The following KCNAB1 variants were observed in gnomAD, a reference collection of about 807,000 sequenced individuals.
KCNAB1 encodes the protein potassium voltage-gated channel subfamily A regulatory beta subunit 1, also known as voltage-gated potassium channel subunit beta-1.
Under a neutral mutation model 64.6 loss-of-function variants are expected in KCNAB1, and 35 were observed. That is an observed-to-expected ratio of 0.54 (90% confidence interval 0.41 to 0.72). The LOEUF (loss-of-function observed/expected upper bound fraction) is 0.72, where lower values mean the gene tolerates loss of function less well. Among genes scored for constraint, KCNAB1 ranks in the 30% least tolerant of loss-of-function variants. The pLI is 0.00. For missense variants in KCNAB1, 401 were observed against 512.9 expected (o/e 0.78, Z 2.11); for synonymous variants, 177 against 183.8 (o/e 0.96, Z 0.30).
chr3:156,228,520 C>T (rs1208731444), intron 1 of KCNAB1, among the ~76,000 whole-genome samples: 2 of 152,208 alleles, frequency 1.3e-5, no homozygotes, highest in African/African-American at 4.8e-5. Flanking sequence ...TCTTCCTTCT[C>T]ACTAGCCTGC....
chr3:156,150,041 G>T (rs1715308705), intron 1 of KCNAB1, among the ~76,000 whole-genome samples: 1 of 152,112 alleles, frequency 6.6e-6, no homozygotes, highest in African/African-American at 2.4e-5. Flanking sequence ...ACCTAATTTG[G>T]TAAGTCTCTG....
At chr3:156,466,584 G>A (rs1354098984) in intron 7 of KCNAB1, among the ~76,000 whole-genome samples, 1 of 151,732 alleles carries the variant, frequency 6.6e-6, no homozygotes, top group African/African-American at 2.4e-5. Context: ...GAATTGTATA[G>A]TAGTGACCTC....
intron 7 of KCNAB1, among the ~76,000 whole-genome samples, chr3:156,472,832 G>A (rs1279706681): frequency 6.6e-6 from 1 of 152,072 alleles, no homozygotes; most frequent in African/African-American, 2.4e-5. Flanking sequence ...AGCCTGGCAC[G>A]GTCTCAGGAT....
chr3:156,250,027 C>T (rs548646807), intron 1 of KCNAB1, among the ~76,000 whole-genome samples: 38 of 152,244 alleles, frequency 2.5e-4, no homozygotes, highest in Non-Finnish European at 4.9e-4. Context: ...TAGAGACTTC[C>T]TATTATATAT....
intron 1 of KCNAB1, among the ~76,000 whole-genome samples, chr3:156,272,050 C>T (rs1269960284): frequency 1.3e-5 from 2 of 152,254 alleles, no homozygotes; most frequent in African/African-American, 4.8e-5. Context: ...TACTTTCTCC[C>T]ATACAGAGTC....
chr3:156,485,942 A>T (rs1373940892), intron 8 of KCNAB1, among the ~76,000 whole-genome samples: 1 of 152,032 alleles, frequency 6.6e-6, no homozygotes, highest in African/African-American at 2.4e-5. Flanking sequence ...CTGTCTGCAT[A>T]CTATTCCATA....
intron 1 of KCNAB1, among the ~76,000 whole-genome samples, chr3:156,318,763 A>G (rs2108020877): frequency 6.6e-6 from 1 of 152,330 alleles, no homozygotes; most frequent in East Asian, 1.9e-4. Flanking sequence ...GTAGGAGCCC[A>G]CTTCTGGGAG....
chr3:156,416,091 G>T (rs569655007), intron 1 of KCNAB1, among the ~76,000 whole-genome samples: 2 of 152,088 alleles, frequency 1.3e-5, no homozygotes, highest in South Asian at 4.2e-4. Context: ...TTACCTACTG[G>T]GGATATCTGG....
chr3:156,425,343 T>A (rs916985601), intron 2 of KCNAB1, among the ~76,000 whole-genome samples: 2 of 152,178 alleles, frequency 1.3e-5, no homozygotes, highest in Non-Finnish European at 2.9e-5. Context: ...TTTGGTGAAC[T>A]AAGAGCAAAT....
chr3:156,223,503 T>TA (rs1437503647), intron 1 of KCNAB1, among the ~76,000 whole-genome samples: 1 of 152,106 alleles, frequency 6.6e-6, no homozygotes, highest in African/African-American at 2.4e-5. Context: ...AAGTCCCCAC[T>TA]AGATTAGCTA....
chr3:156,200,553 C>A (rs1004031172), intron 1 of KCNAB1, among the ~76,000 whole-genome samples: 3 of 152,224 alleles, frequency 2.0e-5, no homozygotes, highest in Admixed American at 6.5e-5. Flanking sequence ...AGCCTGGCTA[C>A]AGCCACTTTA....
At chr3:156,384,749 TTC>T (rs1241498705) in intron 1 of KCNAB1, among the ~76,000 whole-genome samples, 1 of 152,214 alleles carries the variant, frequency 6.6e-6, no homozygotes, top group Non-Finnish European at 1.5e-5. Context: ...CTTGTACTAT[TTC>T]TTCTTTTAGA....
chr3:156,293,426 G>T (rs145380845), intron 1 of KCNAB1, among the ~76,000 whole-genome samples: 36 of 152,320 alleles, frequency 2.4e-4, no homozygotes, highest in African/African-American at 7.9e-4. Flanking sequence ...TAGGCAACAT[G>T]TGTTTCTCAT....
chr3:156,123,889 GA>G (rs1486486227), intron 1 of KCNAB1, among the ~76,000 whole-genome samples: 1 of 152,096 alleles, frequency 6.6e-6, no homozygotes, highest in African/African-American at 2.4e-5. Flanking sequence ...AGAAAAGTTT[GA>G]AAACAGGAAA....
intron 1 of KCNAB1, among the ~76,000 whole-genome samples, chr3:156,149,148 C>T (rs1715237134): frequency 6.6e-6 from 1 of 152,062 alleles, no homozygotes; most frequent in South Asian, 2.1e-4. Context: ...GAAGATCTCC[C>T]TAGACTGGAG....
rs2108450427 is a variant in KCNAB1 at position 156,242,391 on chromosome 3, T to G, written c.275+121505T>G. ...TTTGTGAGACTTTGGGGTACCTGTC[T>G]CTCCAGCAGTACACACTGAACCCAA... On this transcript the variant is annotated intron_variant, in intron 1 of 13. Transcript: ENST00000490337. 1.3e-5 allele frequency among the ~76,000 whole-genome samples: 2 copies of G among 152,300 alleles called. 1 individual carries two copies. The highest frequency in any genetic ancestry group is 2.9e-5 in the Non-Finnish European group (2 of 68,026).
chr3:156,501,962 C>T (rs1472206107), intron 8 of KCNAB1, among the ~76,000 whole-genome samples: 5 of 152,048 alleles, frequency 3.3e-5, no homozygotes, highest in Non-Finnish European at 7.4e-5. Context: ...TCTTGTGAGA[C>T]TTATTAACTA....
At chr3:156,515,519 T>C (rs1717498673) in intron 10 of KCNAB1, among the ~76,000 whole-genome samples, 1 of 152,120 alleles carries the variant, frequency 6.6e-6, no homozygotes, top group Admixed American at 6.5e-5. Flanking sequence ...GAACAACCAA[T>C]GAATAAGTTC....
At chr3:156,179,433 C>CCG (rs1712647715) in intron 1 of KCNAB1, among the ~76,000 whole-genome samples, 2 of 131,280 alleles carry the variant, frequency 1.5e-5, no homozygotes, top group Admixed American at 7.7e-5. Context: ...CCCCCACCCC[C>CCG]TCACCCCCTG....
Sources: gnomAD v4.1 joint callset for allele counts (sites outside exome capture counted in the v4.1 genomes callset) on GRCh38, gnomAD v4.1.1 for gene constraint, MANE v1.5 for transcripts, NCBI Gene and HGNC (gene_info 2026-07-23, HGNC 2026-07-21) for gene names.